LIMA1: variants seen among roughly 807,000 people sequenced by gnomAD.
LIMA1 encodes the protein LIM domain and actin binding 1, also known as LIM domain and actin-binding protein 1.
Under a neutral mutation model 62.6 loss-of-function variants are expected in LIMA1, and 52 were observed. The ratio of observed to expected loss-of-function variants is 0.83; its 90% CI spans 0.67 to 1.05. The LOEUF (loss-of-function observed/expected upper bound fraction) is 1.05. Ranked by LOEUF, LIMA1 falls within the 50% of genes least tolerant of loss-of-function variation. The pLI is 0.00. For synonymous variants in LIMA1, 302 were observed against 317.8 expected, an observed-to-expected ratio of 0.95 and a Z score of 0.53; for missense variants, 780 against 902.2, an observed-to-expected ratio of 0.86 and a Z score of 1.74.
chr12:50,227,237 C>CTTTTTTTTTTT (rs199650468), intron 3 of LIMA1, among the ~76,000 whole-genome samples: 4 of 123,992 alleles, frequency 3.2e-5, no homozygotes, highest in Non-Finnish European at 6.6e-5. Context: ...TTTTTCTTTT[C>CTTTTTTTTTTT]TTTTTTTTTT....
At chr12:50,278,508 A>G (rs982536307) in intron 1 of LIMA1, among the ~76,000 whole-genome samples, 3 of 152,206 alleles carry the variant, frequency 2.0e-5, no homozygotes, top group African/African-American at 7.2e-5. Context: ...AATGTTAATT[A>G]GTCTAATCTT....
chr12:50,271,476 T>A (rs115059983), intron 1 of LIMA1, among the ~76,000 whole-genome samples: 1,611 of 152,306 alleles, frequency 0.011, 25 homozygotes, highest in African/African-American at 0.035. Context: ...CATTAACTTA[T>A]TCTAAGGGCA....
At chr12:50,263,851 T>G (rs4619221) in intron 1 of LIMA1, among the ~76,000 whole-genome samples, 86,216 of 127,278 alleles carry the variant, frequency 0.68, 29,228 homozygotes, top group African/African-American at 0.8. Flanking sequence ...TATATATATA[T>G]AGAGAGTATA....
chr12:50,272,674 A>T (rs1419637709), intron 1 of LIMA1, among the ~76,000 whole-genome samples: 1 of 152,010 alleles, frequency 6.6e-6, no homozygotes, highest in Non-Finnish European at 1.5e-5. Flanking sequence ...CTGATCACAT[A>T]AAGATGTACC....
chr12:50,231,816 G>T, intron 2 of LIMA1, 106 bp from the exon 3 acceptor site: 1 of 1,057,720 alleles, frequency 9.5e-7, no homozygotes, highest in Non-Finnish European at 1.4e-6. Context: ...TGCCCAGGCT[G>T]CAGTGCAGTG....
intron 5 of LIMA1, 88 bp from the exon 6 acceptor site, chr12:50,204,788 T>C: frequency 1.5e-6 from 2 of 1,310,168 alleles, no homozygotes; most frequent in Non-Finnish European, 1.1e-6. Flanking sequence ...GGCACGATCA[T>C]AGCTCACTAC....
At chr12:50,251,819 A>G (rs1277337567) in intron 1 of LIMA1, among the ~76,000 whole-genome samples, 1 of 152,172 alleles carries the variant, frequency 6.6e-6, no homozygotes, top group Non-Finnish European at 1.5e-5. Flanking sequence ...CAGTTCTTAG[A>G]GTTCTTACAC....
At chr12:50,194,775 C>T (rs575101649) in intron 8 of LIMA1, among the ~76,000 whole-genome samples, 3 of 151,466 alleles carry the variant, frequency 2.0e-5, no homozygotes, top group East Asian at 2.0e-4. Context: ...CGGCCAGGCA[C>T]GGTGGCTCAC....
chr12:50,178,036 G>C lies in LIMA1; in HGVS notation c.1308C>G (p.Ile436Met), dbSNP rs1367753445. The change falls in exon 11 of 11, where the codon ATC (isoleucine) becomes ATG (methionine). Residue 436 changes from isoleucine to methionine, a missense_variant. Physicochemically the swap from Ile to Met is conservative, Grantham distance 10. Coordinates refer to ENST00000341247, the MANE Select transcript of LIMA1 (RefSeq NM_016357.5). ...LGTYASLHGR[I>M]YCKPHFNQLF... Reference sequence around the variant, plus strand: ...GTTGATTGAAGTGAGGCTTACAATAGATTCTTCCATGTAAAGATGCATATG... The same window carrying C: ...GTTGATTGAAGTGAGGCTTACAATACATTCTTCCATGTAAAGATGCATATG... 3.2e-6 allele frequency: 5 copies of C among 1,550,790 alleles called. No individual in the cohort carries two copies. Among genetic ancestry groups the C allele is most frequent in the African/African-American group, 1.4e-5 (1 of 72,162 alleles).
rs147568727 is a variant in LIMA1, at chr12:50,180,971, G to T, written c.1274+933C>A. ...ACTAAAAATACAAAAAATTAGCTGGGTGTGGTGGCGGGCGCCTGTAGTCCC... is the reference window on the plus strand; with the variant it reads ...ACTAAAAATACAAAAAATTAGCTGGTTGTGGTGGCGGGCGCCTGTAGTCCC... On this transcript the variant is annotated intron_variant, in intron 10 of 10. Transcript: ENST00000341247. Among the ~76,000 whole-genome samples the T allele has an allele frequency of 3.1e-3, 469 of 152,034 alleles. 1 individual carries two copies. Among genetic ancestry groups the T allele is most frequent in the East Asian group, 0.02 (104 of 5,154 alleles).
intron 1 of LIMA1, among the ~76,000 whole-genome samples, chr12:50,274,095 C>T (rs1016221848): frequency 6.6e-6 from 1 of 152,092 alleles, no homozygotes; most frequent in Non-Finnish European, 1.5e-5. Context: ...GAGACTGCTA[C>T]CTGATTTGAA....
intron 1 of LIMA1, among the ~76,000 whole-genome samples, chr12:50,276,359 A>G (rs532534182): frequency 1.3e-5 from 2 of 152,244 alleles, no homozygotes; most frequent in African/African-American, 4.8e-5. Context: ...GACTATCCAC[A>G]TAGCCTAACA....
chr12:50,265,586 T>G (rs1054605071), intron 1 of LIMA1, among the ~76,000 whole-genome samples: 3 of 152,184 alleles, frequency 2.0e-5, no homozygotes, highest in Non-Finnish European at 4.4e-5. Context: ...GAGAAATTGT[T>G]TCTTTAAAAT....
rs3073660 is a variant in LIMA1, at chr12:50,263,785, CTG to C, written c.-23-15013_-23-15012del. 2.2e-3 allele frequency among the ~76,000 whole-genome samples: 289 copies of C among 131,356 alleles called. 1 individual carries two copies. The highest frequency in any genetic ancestry group is 6.7e-3 in the African/African-American group (229 of 34,230). 86.2% of individuals were successfully genotyped at this position (131,356 alleles called of 152,430 possible). On this transcript the variant is annotated intron_variant, in intron 1 of 10. Transcript: ENST00000341247. ...CATGGGATCCAGCAATTCCATTCCT[CTG>C]TGTGTGTGTGTGTGTGTGTGTGTGT...
rs367682683 is a variant in LIMA1 at position 50,248,706 on chromosome 12, A to G, written c.46T>C (p.Leu16=). The change falls in exon 2 of 11, where the codon TTG becomes CTG. Residue 16 remains leucine (L), a synonymous_variant. Transcript: ENST00000341247. ...GAAAGTTCTTTGGCTGTTACCCTCA[A>G]TGATAGTGAGGTCCATTGCCGTCTA... The part of the protein sequence containing the change: ...FNRRQWTSLS[L]RVTAKELSLV... The G allele has an allele frequency of 6.2e-7, 1 of 1,612,328 alleles. No individual in the cohort carries two copies.
chr12:50,267,836 G>A (rs1942157912), intron 1 of LIMA1, among the ~76,000 whole-genome samples: 1 of 151,738 alleles, frequency 6.6e-6, no homozygotes, highest in Non-Finnish European at 1.5e-5. Context: ...TTTTCTTTTG[G>A]TGAAGAATGA....
At chr12:50,247,594 T>C (rs1438920589) in intron 2 of LIMA1, among the ~76,000 whole-genome samples, 2 of 144,470 alleles carry the variant, frequency 1.4e-5, no homozygotes, top group African/African-American at 5.2e-5. Flanking sequence ...AAAAGCAAAA[T>C]AAATGCTGGA....
Position 50,231,681 on chromosome 12 carries a change from A to G in LIMA1, c.149T>C (p.Met50Thr). The G allele has an allele frequency of 6.2e-7, 1 of 1,614,042 alleles. No individual in the cohort carries two copies. The highest frequency in any genetic ancestry group is 8.5e-7 in the Non-Finnish European group (1 of 1,179,876). ...KYQKAAEETN[M>T]EKKRSNTENL... ...AATACTTACACTTCTCTTCTTCTCCATGTTTGTTTCTTCAGCTGCTTTCTG... is the reference window on the plus strand; with the variant it reads ...AATACTTACACTTCTCTTCTTCTCCGTGTTTGTTTCTTCAGCTGCTTTCTG... Residue 50 changes from methionine to threonine, a missense_variant, in exon 3 of 11, where the codon ATG becomes ACG. Met to Thr is a moderately conservative substitution (Grantham distance 81, BLOSUM62 -1). Coordinates refer to ENST00000341247, the MANE Select transcript of LIMA1 (RefSeq NM_016357.5).
intron 3 of LIMA1, among the ~76,000 whole-genome samples, chr12:50,223,398 G>A (rs12811293): frequency 0.026 from 3,885 of 151,530 alleles, 75 homozygotes; most frequent in Non-Finnish European, 0.039. Context: ...CAGGAGAATC[G>A]CTTGAACCTG....
Sources: allele counts gnomAD v4.1 joint callset (sites outside exome capture counted in the v4.1 genomes callset), GRCh38; gene constraint gnomAD v4.1.1; transcripts MANE v1.5; gene names NCBI Gene and HGNC (gene_info 2026-07-23, HGNC 2026-07-21).